PATJ: variants seen among roughly 807,000 people sequenced by gnomAD.
PATJ encodes PATJ crumbs cell polarity complex component.
Under a neutral mutation model 224.9 loss-of-function variants are expected in PATJ, and 190 were observed. The observed-to-expected ratio is 0.84, with a 90% CI of 0.75 to 0.95. The LOEUF (loss-of-function observed/expected upper bound fraction) is 0.95, where lower values mean the gene tolerates loss of function less well. PATJ is among the 40% of genes least tolerant of loss of function. The pLI, the probability that PATJ is intolerant of heterozygous loss-of-function variation, is 0.00. For synonymous variants in PATJ, 769 were observed against 820.3 expected (o/e 0.94, Z 1.07); for missense variants, 2,121 against 2,270.3 (o/e 0.93, Z 1.34).
chr1:62,122,974 ATAT>A, intron 38 of PATJ, 44 bp from the exon 39 acceptor site: 1 of 1,264,380 alleles, frequency 7.9e-7, no homozygotes, highest in Non-Finnish European at 1.1e-6. Flanking sequence ...TATGCTAAAT[ATAT>A]TATTTTTTAA....
At chr1:61,787,267 C>A (rs1648761400) in intron 7 of PATJ, among the ~76,000 whole-genome samples, 1 of 152,230 alleles carries the variant, frequency 6.6e-6, no homozygotes, top group Non-Finnish European at 1.5e-5. Flanking sequence ...CCTATACTGT[C>A]TGACTCCATT....
At chr1:62,038,969 T>C (rs1218125778) in intron 30 of PATJ, 5 of 1,373,348 alleles carry the variant, frequency 3.6e-6, no homozygotes, top group South Asian at 1.2e-5. Context: ...GCTGGAGTGA[T>C]ATCTGTTCTA....
intron 15 of PATJ, 121 bp downstream of exon 15, chr1:61,823,200 G>A: frequency 1.0e-6 from 1 of 985,012 alleles, no homozygotes; most frequent in Admixed American, 2.3e-5. Context: ...GAGCCTCTTA[G>A]ATTGAAAAAA....
chr1:61,803,765 G>C (rs1653010672), intron 12 of PATJ, among the ~76,000 whole-genome samples: 1 of 152,084 alleles, frequency 6.6e-6, no homozygotes, highest in Non-Finnish European at 1.5e-5. Context: ...TCTTGCATAT[G>C]TATAATTTTA....
chr1:61,796,042 G>T (rs919742205), intron 10 of PATJ, among the ~76,000 whole-genome samples: 1 of 152,104 alleles, frequency 6.6e-6, no homozygotes, highest in Non-Finnish European at 1.5e-5. Context: ...CCCCCATTTA[G>T]TAGAAATTAG....
chr1:61,997,733 C>T (rs1210265094), intron 28 of PATJ, among the ~76,000 whole-genome samples: 1 of 151,382 alleles, frequency 6.6e-6, no homozygotes, highest in African/African-American at 2.4e-5. Flanking sequence ...GATAGTTTCT[C>T]ACAATACAAT....
chr1:62,094,492 G>C (rs1454162144), intron 33 of PATJ, among the ~76,000 whole-genome samples: 1 of 150,608 alleles, frequency 6.6e-6, no homozygotes, highest in African/African-American at 2.4e-5. Flanking sequence ...CAATCCTCCT[G>C]CCTCAGTCTC....
intron 7 of PATJ, among the ~76,000 whole-genome samples, chr1:61,776,909 T>C (rs754530736): frequency 1.3e-5 from 2 of 152,084 alleles, no homozygotes; most frequent in Non-Finnish European, 2.9e-5. Context: ...GTATTTTTAG[T>C]AGAGACGGGG....
At position 61,948,842 on chromosome 1, in the gene PATJ, A is replaced by T. The variant is rs547779990; in HGVS notation, c.3670+21013A>T. ...ATGTCCATCAGTGATAGACTGGATTAAAAAAATGTGGCACATATGCACCAT... is the reference window on the plus strand; with the variant it reads ...ATGTCCATCAGTGATAGACTGGATTTAAAAAATGTGGCACATATGCACCAT... On this transcript the variant is annotated intron_variant, in intron 27 of 43. Coordinates refer to ENST00000642238, the MANE Select transcript of PATJ (RefSeq NM_001350145.3). 7.9e-5 allele frequency among the ~76,000 whole-genome samples: 12 copies of T among 152,282 alleles called. No homozygotes were observed. The East Asian group carries it at 1.9e-3, about 24-fold the overall frequency.
At chr1:62,054,238 C>T (rs1654156687) in intron 31 of PATJ, 1 of 241,812 alleles carries the variant, frequency 4.1e-6, no homozygotes, top group Admixed American at 5.0e-5. Context: ...TGACAAGCAC[C>T]TGTAGTCTCA....
chr1:61,864,328 A>G lies in PATJ; in HGVS notation c.2530A>G (p.Ile844Val). 6.2e-7 allele frequency: 1 copy of G among 1,614,120 alleles called. No individual in the cohort carries two copies. Among genetic ancestry groups the G allele is most frequent in the Non-Finnish European group, 8.5e-7 (1 of 1,179,942 alleles). Residue 844 changes from isoleucine (I) to valine (V), a missense_variant, in exon 20 of 44, where the codon ATA becomes GTA. Transcript: ENST00000642238. ...GKSFHSQQKEIEQSKEAWEMH... is the reference protein window; with the variant it reads ...GKSFHSQQKEVEQSKEAWEMH... ...GTCTTTCCATTCCCAACAAAAAGAG[A>G]TAGAGCAAAGCAAGGAGGCCTGGGA...
At chr1:62,121,703 G>C (rs1318334549) in intron 38 of PATJ, among the ~76,000 whole-genome samples, 1 of 151,892 alleles carries the variant, frequency 6.6e-6, no homozygotes, top group African/African-American at 2.4e-5. Flanking sequence ...TGGCGGGGGT[G>C]GTGGAGGTTG....
intron 5 of PATJ, among the ~76,000 whole-genome samples, chr1:61,770,753 T>C (rs929967767): frequency 4.0e-5 from 6 of 151,732 alleles, no homozygotes; most frequent in African/African-American, 1.2e-4. Flanking sequence ...CTACAAAAAA[T>C]ACAAAAATTA....
At position 61,908,453 on chromosome 1, in the gene PATJ, A is replaced by G. The variant is rs762614148; in HGVS notation, c.3463A>G (p.Ile1155Val). 1.7e-4 allele frequency: 280 copies of G among 1,613,644 alleles called. No homozygotes were observed. Among genetic ancestry groups the G allele is most frequent in the Middle Eastern group, 3.3e-4 (2 of 6,082 alleles). Residue 1155 changes from isoleucine to valine, a missense_variant, in exon 25 of 44, where the codon ATT becomes GTT. Physicochemically the swap from Ile to Val is conservative, Grantham distance 29. Coordinates refer to ENST00000642238, the MANE Select transcript of PATJ (RefSeq NM_001350145.3). ...IKNAGNPVVF[I>V]VQSLSSTPRV... ...GAATGCAGGAAACCCTGTGGTGTTC[A>G]TTGTTCAGAGTTTGTCATCCACTCC...
chr1:62,157,272 G>A lies in PATJ; in HGVS notation c.5503-3636G>A, dbSNP rs189655846. 6.8e-5 allele frequency among the ~76,000 whole-genome samples: 10 copies of A among 146,150 alleles called. 2 individuals carry two copies. The highest frequency in any genetic ancestry group is 4.6e-4 in the South Asian group (2 of 4,356). ...CTGAGAGGTGGAGGTTGCAGTGAGC[G>A]GAGATTACACCATTGCACTCCAGCC... On this transcript the variant is annotated intron_variant, in intron 43 of 43. Transcript: ENST00000642238.
intron 17 of PATJ, among the ~76,000 whole-genome samples, chr1:61,835,195 T>C (rs1659969486): frequency 6.6e-6 from 1 of 152,220 alleles, no homozygotes; most frequent in African/African-American, 2.4e-5. Flanking sequence ...AAAATATATT[T>C]ATCAAGAAAT....
chr1:61,814,301 G>A (rs1022844798), intron 14 of PATJ, among the ~76,000 whole-genome samples: 22 of 151,624 alleles, frequency 1.5e-4, no homozygotes, highest in Admixed American at 2.6e-4. Context: ...CTGCTATCAC[G>A]CCCAGCTAAT....
chr1:61,766,750 G>A (rs1303237951), intron 4 of PATJ, among the ~76,000 whole-genome samples: 3 of 152,108 alleles, frequency 2.0e-5, no homozygotes, highest in Non-Finnish European at 4.4e-5. Context: ...GTCTTGCTAA[G>A]GAGAGTTTTT....
At chr1:61,984,052 T>C (rs1397527486) in intron 27 of PATJ, among the ~76,000 whole-genome samples, 1 of 152,032 alleles carries the variant, frequency 6.6e-6, no homozygotes, top group East Asian at 1.9e-4. Context: ...CTTGAATTCC[T>C]GCCCTTAAGC....
Sources: allele counts gnomAD v4.1 joint callset (sites outside exome capture counted in the v4.1 genomes callset), GRCh38; gene constraint gnomAD v4.1.1; transcripts MANE v1.5; gene names NCBI Gene and HGNC (gene_info 2026-07-23, HGNC 2026-07-21).